The following PTER variants were observed in gnomAD, a reference collection of about 807,000 sequenced individuals.
PTER encodes the protein phosphotriesterase related, also known as N-acetyltaurine hydrolase.
A neutral mutation model predicts 29.6 loss-of-function variants in PTER; 38 were observed. That is an observed-to-expected ratio of 1.28 (90% CI 0.99 to 1.68). The LOEUF (loss-of-function observed/expected upper bound fraction) is 1.68, where lower values mean the gene tolerates loss of function less well. Ranked by LOEUF, PTER falls within the 40% of genes most tolerant of loss-of-function variation. The pLI is 0.00. For missense variants in PTER, 482 were observed against 427.8 expected (o/e 1.13, Z -1.12); for synonymous variants, 172 against 154.5 (o/e 1.11, Z -0.84).
chr10:16,458,399 T>C (rs912223512), intron 1 of PTER, among the ~76,000 whole-genome samples: 1 of 152,206 alleles, frequency 6.6e-6, no homozygotes, highest in Non-Finnish European at 1.5e-5. Context: ...CTTATGCGAT[T>C]ATGATATTAT....
In PTER at chr10:16,512,029, C is replaced by A. The variant is rs541463983; in HGVS notation, c.*773C>A. The A allele has an allele frequency of 4.6e-5, 7 of 151,832 alleles. No individual in the cohort carries two copies. The highest frequency in any genetic ancestry group is 1.7e-4 in the African/African-American group (7 of 41,210). 9.4% of individuals were successfully genotyped at this position (151,832 alleles called of 1,614,324 possible). A position where few individuals can be genotyped will look rare whatever the true frequency, so the allele number is the denominator to read the frequency against. On this transcript the variant is annotated 3_prime_UTR_variant, in exon 5 of 5. Transcript: ENST00000535784. ...ATCATTACATTTATAATAACAAAGG[C>A]CACAATTTAATTAATTGGTAAGATA... is the stretch of plus-strand genomic sequence containing the variant.
chr10:16,510,574 C>A (rs750139153), intron 4 of PTER, among the ~76,000 whole-genome samples: 1 of 152,138 alleles, frequency 6.6e-6, no homozygotes, highest in East Asian at 1.9e-4. Flanking sequence ...AGTGAGATTC[C>A]TTTTGTTTCC....
At chr10:16,508,686 G>GTA (rs58712254) in intron 4 of PTER, among the ~76,000 whole-genome samples, 27,070 of 151,700 alleles carry the variant, frequency 0.18, 2,524 homozygotes, top group Middle Eastern at 0.26. Flanking sequence ...ATAAATCTGT[G>GTA]TATATATATA....
chr10:16,488,922 C>T (rs554375228), intron 3 of PTER, among the ~76,000 whole-genome samples: 4 of 152,118 alleles, frequency 2.6e-5, no homozygotes, highest in East Asian at 1.9e-4. Context: ...CTTTTAATTG[C>T]GTGCTTGGCA....
downstream of PTER, chr10:16,514,216 A>AAG (rs1836912844): frequency 7.0e-6 from 3 of 430,740 alleles, no homozygotes; most frequent in Non-Finnish European, 1.2e-5. Context: ...ATATATATAG[A>AAG]AGAAATAATT....
At chr10:16,496,847 C>G (rs1271890305) in intron 3 of PTER, among the ~76,000 whole-genome samples, 1 of 151,854 alleles carries the variant, frequency 6.6e-6, no homozygotes, top group Non-Finnish European at 1.5e-5. Context: ...TGATTCCCCT[C>G]TCTTCTCCCC....
intron 1 of PTER, among the ~76,000 whole-genome samples, chr10:16,445,209 A>G (rs1812322276): frequency 6.6e-6 from 1 of 152,232 alleles, no homozygotes; most frequent in South Asian, 2.1e-4. Context: ...ATGTTAGACA[A>G]TATTAAGTCG....
At chr10:16,501,481 A>G (rs1006645747) in intron 3 of PTER, among the ~76,000 whole-genome samples, 1 of 152,094 alleles carries the variant, frequency 6.6e-6, no homozygotes, top group Non-Finnish European at 1.5e-5. Flanking sequence ...AACTGTAAAG[A>G]TTTAATCCTG....
At chr10:16,498,301 A>G (rs1468701886) in intron 3 of PTER, among the ~76,000 whole-genome samples, 1 of 152,228 alleles carries the variant, frequency 6.6e-6, no homozygotes, top group Non-Finnish European at 1.5e-5. Context: ...GGCCAGGCGC[A>G]GTGTCTCACA....
chr10:16,495,215 G>A (rs777544109), intron 3 of PTER, among the ~76,000 whole-genome samples: 9 of 141,846 alleles, frequency 6.3e-5, no homozygotes, highest in Non-Finnish European at 1.3e-4. Flanking sequence ...CTCTTACCCA[G>A]GCTGGAGTGC....
chr10:16,495,204 T>C (rs376352981), intron 3 of PTER, among the ~76,000 whole-genome samples: 74 of 147,246 alleles, frequency 5.0e-4, no homozygotes, highest in African/African-American at 1.8e-3. Context: ...AGTGTCTTGC[T>C]CTCTTACCCA....
intron 3 of PTER, among the ~76,000 whole-genome samples, chr10:16,495,021 T>C (rs953002339): frequency 1.3e-5 from 2 of 152,162 alleles, no homozygotes; most frequent in African/African-American, 4.8e-5. Flanking sequence ...GGTTATTAAG[T>C]CTATAATTCT....
intron 4 of PTER, among the ~76,000 whole-genome samples, chr10:16,510,097 C>CA (rs902848574): frequency 3.3e-5 from 5 of 151,940 alleles, no homozygotes; most frequent in African/African-American, 1.2e-4. Flanking sequence ...ATCTAGACGC[C>CA]AAAAAAACTA....
At chr10:16,478,336 T>G (rs1441445503) in intron 1 of PTER, among the ~76,000 whole-genome samples, 1 of 42,468 alleles carries the variant, frequency 2.4e-5, no homozygotes, top group East Asian at 1.3e-3. Flanking sequence ...CTCGTTTCCG[T>G]TTTTTTTTTT....
At chr10:16,485,032 A>G (rs1835641273) in intron 2 of PTER, among the ~76,000 whole-genome samples, 1 of 152,192 alleles carries the variant, frequency 6.6e-6, no homozygotes, top group African/African-American at 2.4e-5. Context: ...AAAGAAAATA[A>G]TAATAATAAG....
downstream of PTER, chr10:16,514,046 A>T (rs1836909209): frequency 5.9e-6 from 2 of 339,210 alleles, no homozygotes; most frequent in Non-Finnish European, 5.3e-6. Context: ...TTCTTTGGGG[A>T]CAAGCAGCAT....
chr10:16,456,699 T>C lies in PTER; in HGVS notation c.-49+19652T>C, dbSNP rs551303575. ...AATTTTGCGCATTACCTGTTCTTGC[T>C]CTCTTCTTGGATAGGGCTGTGGCTG... On this transcript the variant is annotated intron_variant, in intron 1 of 4. Transcript: ENST00000535784. Among the ~76,000 whole-genome samples, 8 of 152,264 alleles carry C rather than the reference T, an allele frequency of 5.3e-5. No homozygotes were observed. In the South Asian group the frequency reaches 1.7e-3, roughly 32 times the overall value.
intron 1 of PTER, among the ~76,000 whole-genome samples, chr10:16,439,400 A>C (rs1833770112): frequency 6.6e-6 from 1 of 152,212 alleles, no homozygotes. Context: ...TTTTGAGCCA[A>C]ATAGAAGCAG....
chr10:16,479,120 C>A (rs1049372768), intron 1 of PTER, among the ~76,000 whole-genome samples: 7 of 152,074 alleles, frequency 4.6e-5, no homozygotes, highest in African/African-American at 1.7e-4. Context: ...GAATGAAACC[C>A]AACATTTTCC....
Sources: gnomAD v4.1 joint callset for allele counts (sites outside exome capture counted in the v4.1 genomes callset) on GRCh38, gnomAD v4.1.1 for gene constraint, MANE v1.5 for transcripts, NCBI Gene and HGNC (gene_info 2026-07-23, HGNC 2026-07-21) for gene names.